The following KCND3 variants were observed in gnomAD, a reference collection of about 807,000 sequenced individuals.
KCND3 encodes the protein potassium voltage-gated channel subfamily D member 3.
In KCND3, 9 loss-of-function variants were observed where a neutral mutation model predicts 51.1. The observed-to-expected ratio is 0.18, with a 90% CI of 0.11 to 0.31. The LOEUF is 0.31. Among genes scored for constraint, KCND3 ranks in the 10% least tolerant of loss-of-function variants. The pLI is 1.00. For missense variants in KCND3, 526 were observed against 903.8 expected (o/e 0.58, Z 5.36); for synonymous variants, 349 against 368.0 (o/e 0.95, Z 0.59).
At chr1:111,827,901 C>G (rs1936060) in intron 2 of KCND3, among the ~76,000 whole-genome samples, 1 of 152,132 alleles carries the variant, frequency 6.6e-6, no homozygotes, top group African/African-American at 2.4e-5. Context: ...TATCTTTTTT[C>G]TAGAGCCCTG....
chr1:111,845,185 T>C (rs1211766053), intron 2 of KCND3, among the ~76,000 whole-genome samples: 2 of 152,206 alleles, frequency 1.3e-5, no homozygotes, highest in Admixed American at 1.3e-4. Flanking sequence ...GGCAGCCTCT[T>C]TGCAGCATCT....
At chr1:111,901,496 C>T (rs1670380244) in intron 2 of KCND3, among the ~76,000 whole-genome samples, 2 of 152,182 alleles carry the variant, frequency 1.3e-5, no homozygotes, top group Admixed American at 6.5e-5. Context: ...ATTCATAGTG[C>T]ACTGGCTGTG....
At chr1:111,931,888 T>C (rs1571866553) in intron 2 of KCND3, among the ~76,000 whole-genome samples, 1 of 152,334 alleles carries the variant, frequency 6.6e-6, no homozygotes, top group Middle Eastern at 3.4e-3. Context: ...CTCACCATGG[T>C]GGCAAATGCC....
intron 2 of KCND3, among the ~76,000 whole-genome samples, chr1:111,978,110 G>C (rs1039673690): frequency 1.3e-5 from 2 of 152,188 alleles, no homozygotes; most frequent in African/African-American, 4.8e-5. Context: ...GTGTGCTTAA[G>C]GTATTCTGAG....
chr1:111,781,015 C>T (rs1030987251), intron 3 of KCND3, among the ~76,000 whole-genome samples: 3 of 152,208 alleles, frequency 2.0e-5, no homozygotes, highest in Non-Finnish European at 4.4e-5. Context: ...GGGTATAATC[C>T]TGGCAGGAGA....
chr1:111,876,514 G>A (rs1669057466), intron 2 of KCND3, among the ~76,000 whole-genome samples: 1 of 152,190 alleles, frequency 6.6e-6, no homozygotes, highest in Non-Finnish European at 1.5e-5. Flanking sequence ...CTTCCAGGCT[G>A]CCTACCCTGA....
At chr1:111,836,915 A>T (rs1667093954) in intron 2 of KCND3, among the ~76,000 whole-genome samples, 1 of 152,172 alleles carries the variant, frequency 6.6e-6, no homozygotes, top group African/African-American at 2.4e-5. Flanking sequence ...TTCCAGTTTA[A>T]ATAAAGTAAG....
chr1:111,916,736 A>G (rs140663611), intron 2 of KCND3, among the ~76,000 whole-genome samples: 207 of 152,314 alleles, frequency 1.4e-3, no homozygotes, highest in African/African-American at 4.6e-3. Context: ...ACACACATCA[A>G]AAAGATAATA....
Position 111,780,080 on chromosome 1 carries a change from C to G in KCND3, c.1461+145G>C. On this transcript the variant is annotated intron_variant, in intron 5 of 7. Transcript: ENST00000302127. This position sits in a 1 kb window ranked among gnomAD's most constrained non-coding sequence, Gnocchi z 4.2. ...TGCCCCACTCCTCAGGGTCTTCCACCTGAGGGCCAGTAGATCCCATCACTA... is the reference window on the plus strand; with the variant it reads ...TGCCCCACTCCTCAGGGTCTTCCACGTGAGGGCCAGTAGATCCCATCACTA... 1.1e-6 allele frequency: 1 copy of G among 926,024 alleles called. No homozygotes were observed. Among genetic ancestry groups the G allele is most frequent in the South Asian group, 1.4e-5 (1 of 70,640 alleles). 57.4% of individuals were successfully genotyped at this position (926,024 alleles called of 1,614,324 possible). A position where few individuals can be genotyped will look rare whatever the true frequency, so the allele number is the denominator to read the frequency against.
In KCND3 at chr1:111,772,666, T is replaced by G. The variant is rs1182843899; in HGVS notation, c.*3411A>C. On this transcript the variant is annotated 3_prime_UTR_variant, in exon 8 of 8. Transcript: ENST00000302127. The stretch of plus-strand genomic sequence containing the variant: ...TCTATACTGTAAAATGAATTAGATA[T>G]TCTTAAATCTTTTCTAGTTCTGATA... 6.6e-6 allele frequency: 1 copy of G among 152,218 alleles called. No individual in the cohort carries two copies. The highest frequency in any genetic ancestry group is 1.5e-5 in the Non-Finnish European group (1 of 68,030). 9.4% of individuals were successfully genotyped at this position (152,218 alleles called of 1,614,324 possible). A position where few individuals can be genotyped will look rare whatever the true frequency, so the allele number is the denominator to read the frequency against.
At chr1:111,960,396 C>T (rs976839583) in intron 2 of KCND3, among the ~76,000 whole-genome samples, 3 of 152,156 alleles carry the variant, frequency 2.0e-5, no homozygotes, top group Non-Finnish European at 4.4e-5. Flanking sequence ...TTGATAAAGC[C>T]GTATTTAGCA....
In KCND3 at chr1:111,777,249, T is replaced by A. The variant is rs369907159; in HGVS notation, c.1543A>T (p.Met515Leu). Residue 515 changes from methionine to leucine, a missense_variant, in exon 7 of 8, where the codon ATG becomes TTG. Around this residue, in one of 5 missense-constraint regions of KCND3, gnomAD observed 266 missense variants for 305.5 expected, o/e 0.87. Transcript: ENST00000302127. ...IKNHEFIDEQ[M>L]FEQNCMESSM... ...CTCTCCATGCAGTTCTGCTCAAACA[T>A]CTGCTCATCAATAAACTCGTGGTTC... 1 of 1,614,036 alleles carries A rather than the reference T, an allele frequency of 6.2e-7. No individual in the cohort carries two copies. The highest frequency in any genetic ancestry group is 1.3e-5 in the African/African-American group (1 of 74,898).
At chr1:111,827,698 T>C (rs965224677) in intron 2 of KCND3, among the ~76,000 whole-genome samples, 4 of 152,182 alleles carry the variant, frequency 2.6e-5, no homozygotes, top group Non-Finnish European at 5.9e-5. Context: ...AGGTTACACA[T>C]CTCCAACTGG....
intron 2 of KCND3, among the ~76,000 whole-genome samples, chr1:111,925,746 T>A (rs1671668373): frequency 6.6e-6 from 1 of 152,182 alleles, no homozygotes; most frequent in Non-Finnish European, 1.5e-5. Flanking sequence ...CCTGCCCATG[T>A]GGTTTATCAG....
intron 2 of KCND3, among the ~76,000 whole-genome samples, chr1:111,953,097 A>G (rs553646568): frequency 6.6e-6 from 1 of 152,162 alleles, no homozygotes; most frequent in Admixed American, 6.5e-5. Context: ...GACCTACTAA[A>G]TGTCACAAAG....
chr1:111,890,049 A>G (rs1419642494), intron 2 of KCND3, among the ~76,000 whole-genome samples: 1 of 152,172 alleles, frequency 6.6e-6, no homozygotes, highest in Non-Finnish European at 1.5e-5. Context: ...CAGAGTGGCC[A>G]TGGAAACCAG....
intron 2 of KCND3, among the ~76,000 whole-genome samples, chr1:111,896,299 G>A (rs931198562): frequency 6.6e-6 from 1 of 152,222 alleles, no homozygotes; most frequent in African/African-American, 2.4e-5. Flanking sequence ...GAGAACACAG[G>A]AGGGGACTGA....
At chr1:111,901,959 G>A (rs1670403003) in intron 2 of KCND3, among the ~76,000 whole-genome samples, 6 of 152,170 alleles carry the variant, frequency 3.9e-5, no homozygotes, top group Admixed American at 3.9e-4. Flanking sequence ...GAGAAGTTGA[G>A]GACCCCAAAC....
rs1229770219 is a variant in KCND3 at position 111,953,840 on chromosome 1, G to A, written c.1106+27781C>T. ...CCTGCCTCAGTTCCAACCCAGGGAC[G>A]CTTTGGTTAGCAATCTAGGAGAAGG... On this transcript the variant is annotated intron_variant, in intron 2 of 7. Transcript: ENST00000302127. Among the ~76,000 whole-genome samples, 6 of 152,300 alleles carry A rather than the reference G, an allele frequency of 3.9e-5. No individual in the cohort carries two copies. The East Asian group carries it at 5.8e-4, about 15-fold the overall frequency.
Sources: allele counts gnomAD v4.1 joint callset (sites outside exome capture counted in the v4.1 genomes callset), GRCh38; gene constraint gnomAD v4.1.1; regional missense constraint gnomAD v4.1.1; non-coding constraint Gnocchi (gnomAD v3.1); transcripts MANE v1.5; gene names NCBI Gene and HGNC (gene_info 2026-07-23, HGNC 2026-07-21).